The following FREM3 variants were observed in gnomAD, a reference collection of about 807,000 sequenced individuals.
FREM3 encodes FRAS1 related extracellular matrix 3.
In FREM3, 105 loss-of-function variants were observed where a neutral mutation model predicts 129.1. The observed-to-expected ratio is 0.81, with a 90% CI of 0.69 to 0.96. FREM3 has a LOEUF of 0.96. Ranked by LOEUF, FREM3 falls within the 40% of genes least tolerant of loss-of-function variation. The pLI is 0.00. For missense variants in FREM3, 2,593 were observed against 2,666.3 expected (o/e 0.97, Z 0.61); for synonymous variants, 1,014 against 1,044.9 (o/e 0.97, Z 0.57).
intron 5 of FREM3, among the ~76,000 whole-genome samples, chr4:143,616,930 G>A (rs1227149580): frequency 6.6e-6 from 1 of 152,208 alleles, no homozygotes; most frequent in Non-Finnish European, 1.5e-5. Flanking sequence ...CTTTTTAACT[G>A]GATAGAGTAG....
intron 6 of FREM3, among the ~76,000 whole-genome samples, chr4:143,586,407 A>G (rs902539433): frequency 3.3e-5 from 5 of 152,156 alleles, no homozygotes; most frequent in Non-Finnish European, 7.4e-5. Context: ...GTGGAGGGAC[A>G]GTTGAGCCAG....
At chr4:143,592,822 C>A (rs554527946) in intron 6 of FREM3, among the ~76,000 whole-genome samples, 3 of 152,132 alleles carry the variant, frequency 2.0e-5, no homozygotes, top group Admixed American at 6.5e-5. Flanking sequence ...TGGATAATAT[C>A]CTGCAGAGTG....
At position 143,700,326 on chromosome 4, in the gene FREM3, C is replaced by G. The variant is rs1167691924; in HGVS notation, c.350G>C (p.Cys117Ser). Reference sequence around the variant, plus strand: ...CTGGACTTGGCGGGGCCCGAAGGTGCAGGGGAAGCGGCGCGGGGAGAGCGC... The same window carrying G: ...CTGGACTTGGCGGGGCCCGAAGGTGGAGGGGAAGCGGCGCGGGGAGAGCGC... ...KGALSPRRFP[C>S]TFGPRQVQYT... The change falls in exon 1 of 8, where the codon TGC becomes TCC. Residue 117 changes from cysteine to serine, a missense_variant. Cys to Ser is a moderately radical substitution (Grantham distance 112). Coordinates refer to ENST00000329798, the MANE Select transcript of FREM3 (RefSeq NM_001168235.2). The G allele has an allele frequency of 1.3e-6, 2 of 1,534,878 alleles. No individual in the cohort carries two copies. Among genetic ancestry groups the G allele is most frequent in the Admixed American group, 2.0e-5 (1 of 50,934 alleles).
At chr4:143,622,837 T>C (rs1390844879) in intron 4 of FREM3, among the ~76,000 whole-genome samples, 2 of 152,204 alleles carry the variant, frequency 1.3e-5, no homozygotes, top group Non-Finnish European at 2.9e-5. Flanking sequence ...GCTCAAACCC[T>C]GCCTCTTCCA....
intron 6 of FREM3, among the ~76,000 whole-genome samples, chr4:143,594,881 A>T (rs1329271527): frequency 6.6e-6 from 1 of 152,252 alleles, no homozygotes; most frequent in Non-Finnish European, 1.5e-5. Flanking sequence ...TCTGTCTGAG[A>T]AACTGAGATG....
intron 6 of FREM3, among the ~76,000 whole-genome samples, chr4:143,595,958 G>A (rs770976084): frequency 1.7e-4 from 25 of 150,756 alleles, no homozygotes; most frequent in Non-Finnish European, 3.0e-5. Context: ...AAGGTGCTAT[G>A]TCTTTAAAAA....
At chr4:143,639,474 T>G (rs1739285090) in intron 2 of FREM3, among the ~76,000 whole-genome samples, 1 of 152,146 alleles carries the variant, frequency 6.6e-6, no homozygotes, top group Admixed American at 6.5e-5. Flanking sequence ...ATTAGGACCT[T>G]TCTGAGTTCC....
At chr4:143,592,840 A>G (rs1738391344) in intron 6 of FREM3, among the ~76,000 whole-genome samples, 2 of 152,278 alleles carry the variant, frequency 1.3e-5, no homozygotes, top group South Asian at 4.1e-4. Flanking sequence ...GTGTTTTCCA[A>G]CTTGGTTCCA....
In FREM3 at chr4:143,642,756, C is replaced by T. The variant is rs572566774; in HGVS notation, c.5276-14996G>A. Among the ~76,000 whole-genome samples, 19 of 152,156 alleles carry T rather than the reference C, an allele frequency of 1.2e-4. 1 individual carries two copies. In the East Asian group the frequency reaches 3.5e-3, roughly 28 times the overall value. On this transcript the variant is annotated intron_variant, in intron 2 of 7. Transcript: ENST00000329798. ...GGTTTTTTAAATAAGACCTTAAAAG[C>T]ACAGGCAATGAAAGCAAAAATAGAC... is the stretch of plus-strand genomic sequence containing the variant.
chr4:143,593,120 T>G (rs1290087414), intron 6 of FREM3, among the ~76,000 whole-genome samples: 1 of 152,206 alleles, frequency 6.6e-6, no homozygotes, highest in Non-Finnish European at 1.5e-5. Flanking sequence ...CATTGGTTAT[T>G]CTAGTTATCC....
At position 143,696,404 on chromosome 4, in the gene FREM3, GCTGT is replaced by G. The variant is rs1327654152; in HGVS notation, c.4268_4271del (p.Asp1423AlafsTer6). The stretch of plus-strand genomic sequence containing the variant: ...TTTTGCTGATTACCTCAGGGAAGAC[GCTGT>G]CTAAGTTGCCAATGGTGACATAGAA... On this transcript the variant is annotated frameshift_variant, in exon 1 of 8. Coordinates refer to ENST00000329798, the MANE Select transcript of FREM3 (RefSeq NM_001168235.2). LOFTEE classifies it high-confidence loss of function. 14 of 1,537,386 alleles carry G rather than the reference GCTGT, an allele frequency of 9.1e-6. No individual in the cohort carries two copies. Among genetic ancestry groups the G allele is most frequent in the South Asian group, 1.2e-5 (1 of 84,038 alleles).
intron 2 of FREM3, among the ~76,000 whole-genome samples, chr4:143,686,405 A>G (rs1740364041): frequency 6.6e-6 from 1 of 152,200 alleles, no homozygotes; most frequent in Non-Finnish European, 1.5e-5. Context: ...ACTGATGGCA[A>G]CAGACAGGTA....
rs1320030459 is a variant in FREM3, at chr4:143,621,042, C to T, written c.5774G>A (p.Arg1925His). ...GACCCCACAGAGCCTCATACCTTGA[C>T]GTGTGGAGCAAATGACGATTAGTTC... ...SQELIVICST[R>H]QGSATGTISS... Residue 1925 changes from arginine (R) to histidine (H), a missense_variant, in exon 5 of 8, where the codon CGT (arginine) becomes CAT (histidine). By Grantham distance (29) the Arg-to-His change is conservative (BLOSUM62 0). Around this residue, in one of 2 missense-constraint regions of FREM3, gnomAD observed 317 missense variants for 399.0 expected, o/e 0.79. Coordinates refer to ENST00000329798, the MANE Select transcript of FREM3 (RefSeq NM_001168235.2). 8 of 1,537,210 alleles carry T rather than the reference C, an allele frequency of 5.2e-6. No homozygotes were observed. The South Asian group carries it at 7.1e-5, about 14-fold the overall frequency.
chr4:143,611,216 T>C, intron 6 of FREM3, 63 bp downstream of exon 6: 1 of 1,477,954 alleles, frequency 6.8e-7, no homozygotes, highest in Non-Finnish European at 9.0e-7. Context: ...GCCTTTCAAC[T>C]GTTGGAGGAA....
intron 2 of FREM3, among the ~76,000 whole-genome samples, chr4:143,648,455 C>A (rs542903676): frequency 6.6e-6 from 1 of 152,226 alleles, no homozygotes; most frequent in Non-Finnish European, 1.5e-5. Context: ...GTACCTACAC[C>A]TTGAATTGTA....
chr4:143,678,876 C>G (rs1260864132), intron 2 of FREM3, among the ~76,000 whole-genome samples: 1 of 148,516 alleles, frequency 6.7e-6, no homozygotes, highest in Admixed American at 6.7e-5. Flanking sequence ...AACTGTATTT[C>G]AAGTAATAAG....
intron 6 of FREM3, among the ~76,000 whole-genome samples, chr4:143,594,610 G>A (rs1181195326): frequency 6.6e-6 from 1 of 152,192 alleles, no homozygotes; most frequent in Non-Finnish European, 1.5e-5. Context: ...ATATTGTGTG[G>A]CATTGGGGAA....
At position 143,585,970 on chromosome 4, in the gene FREM3, C is replaced by T; in HGVS notation, c.6052G>A (p.Ala2018Thr). ...GCACTTTCATTGACGTGATATTCAG[C>T]ATCCCCAAAGTGCAGGACAGGTTCT... is the stretch of plus-strand genomic sequence containing the variant. Reference protein sequence around the residue: ...YDEPVLHFGDAEYHVNESARY... With the variant: ...YDEPVLHFGDTEYHVNESARY... Residue 2018 changes from alanine (A) to threonine (T), a missense_variant, in exon 7 of 8, where the codon GCT becomes ACT. This residue lies in a region of FREM3 where 317 missense variants were observed against 399.0 expected (regional missense o/e 0.79). Transcript: ENST00000329798. This position sits in a 1 kb window ranked among gnomAD's most constrained non-coding sequence, Gnocchi z 4.2. The T allele has an allele frequency of 6.5e-7, 1 of 1,537,694 alleles. No individual in the cohort carries two copies. The highest frequency in any genetic ancestry group is 8.7e-7 in the Non-Finnish European group (1 of 1,147,000).
chr4:143,622,160 C>G (rs1346101739), intron 4 of FREM3, among the ~76,000 whole-genome samples: 1 of 148,438 alleles, frequency 6.7e-6, no homozygotes, highest in African/African-American at 2.5e-5. Flanking sequence ...ATTTCGTGAT[C>G]TCAGCTCACT....
Sources: gnomAD v4.1 joint callset for allele counts (sites outside exome capture counted in the v4.1 genomes callset) on GRCh38, gnomAD v4.1.1 for gene constraint, gnomAD v4.1.1 regional missense constraint, Gnocchi (gnomAD v3.1) non-coding constraint, MANE v1.5 for transcripts, NCBI Gene and HGNC (gene_info 2026-07-23, HGNC 2026-07-21) for gene names.